ABI2: variants seen among roughly 807,000 people sequenced by gnomAD.
The protein encoded by ABI2 is abl interactor 2, also known as abelson interactor 2.
A neutral mutation model predicts 59.2 loss-of-function variants in ABI2; 25 were observed. The observed-to-expected ratio is 0.42, with a 90% confidence interval of 0.31 to 0.59. The LOEUF (loss-of-function observed/expected upper bound fraction) is 0.59. ABI2 is among the 20% of genes least tolerant of loss of function. The pLI is 0.14. For missense variants in ABI2, 545 were observed against 681.8 expected (o/e 0.80, Z 2.23); for synonymous variants, 213 against 235.5 (o/e 0.90, Z 0.87).
At chr2:203,338,959 TATA>T (rs2078038675) in intron 1 of ABI2, among the ~76,000 whole-genome samples, 1 of 9,652 alleles carries the variant, frequency 1.0e-4, no homozygotes, top group East Asian at 0.01. Flanking sequence ...TATATATATA[TATA>T]AATATATATA....
At chr2:203,387,714 G>A (rs1454836835) in intron 4 of ABI2, among the ~76,000 whole-genome samples, 4 of 152,166 alleles carry the variant, frequency 2.6e-5, no homozygotes, top group East Asian at 1.9e-4. Flanking sequence ...TTCCTAAACT[G>A]CTGTGTGTGC....
Position 203,391,029 on chromosome 2 carries a change from T to C in ABI2, c.481-17T>C. 2 of 1,609,108 alleles carry C rather than the reference T, an allele frequency of 1.2e-6. No homozygotes were observed. Among genetic ancestry groups the C allele is most frequent in the Non-Finnish European group, 1.7e-6 (2 of 1,176,138 alleles). On this transcript the variant is annotated splice_polypyrimidine_tract_variant and intron_variant, in intron 4 of 11. Coordinates refer to ENST00000261018, the MANE Select transcript of ABI2 (RefSeq NM_001375670.1). ...ATTTCACTGCATACAAGTTGAGTTT[T>C]CCTTAAAATTTTTTAGGTGAGTACC...
chr2:203,376,574 TCA>T (rs2153153396), intron 2 of ABI2, among the ~76,000 whole-genome samples: 1 of 152,320 alleles, frequency 6.6e-6, no homozygotes, highest in South Asian at 2.1e-4. Flanking sequence ...GGGAAACATT[TCA>T]CTTTCCTGAT....
At chr2:203,368,014 TA>T (rs934744491) in intron 2 of ABI2, among the ~76,000 whole-genome samples, 1 of 151,332 alleles carries the variant, frequency 6.6e-6, no homozygotes, top group Admixed American at 6.6e-5. Flanking sequence ...CAAAAAAAAA[TA>T]AAAAAAAGTA....
chr2:203,384,789 G>A (rs1299561568), intron 4 of ABI2, among the ~76,000 whole-genome samples: 1 of 150,660 alleles, frequency 6.6e-6, no homozygotes, highest in South Asian at 2.1e-4. Context: ...GACTTTTAAT[G>A]TATTATTTCA....
intron 1 of ABI2, among the ~76,000 whole-genome samples, chr2:203,350,891 T>TGTGTGTGC (rs1217974142): frequency 5.1e-4 from 63 of 124,194 alleles, no homozygotes; most frequent in African/African-American, 1.8e-3. Context: ...TGTGTGTGTG[T>TGTGTGTGC]GCGCGCGCGC....
intron 1 of ABI2, 98 bp downstream of exon 1, chr2:203,328,729 A>G (rs2152164097): frequency 1.5e-6 from 1 of 688,744 alleles, no homozygotes; most frequent in Non-Finnish European, 2.2e-6. Context: ...GACACGGCCC[A>G]GCGGAGCCCC....
intron 7 of ABI2, among the ~76,000 whole-genome samples, chr2:203,396,307 CTTAAT>C (rs922511055): frequency 2.0e-5 from 3 of 152,062 alleles, no homozygotes; most frequent in African/African-American, 7.2e-5. Context: ...ATGTTACATA[CTTAAT>C]TTACTTATAG....
chr2:203,351,533 T>TG, intron 1 of ABI2: 1 of 211,796 alleles, frequency 4.7e-6, no homozygotes, highest in African/African-American at 9.5e-5. Flanking sequence ...CAGTGTTTAG[T>TG]TTTTTTTTTT....
chr2:203,419,666 T>C (rs1223346754), intron 11 of ABI2, among the ~76,000 whole-genome samples: 1 of 151,694 alleles, frequency 6.6e-6, no homozygotes, highest in Non-Finnish European at 1.5e-5. Context: ...CGTGAGCCAC[T>C]GCGCCCAGCC....
chr2:203,431,760 A>G lies in ABI2; in HGVS notation c.*4408A>G, dbSNP rs554534523. The G allele has an allele frequency of 2.6e-5, 4 of 152,234 alleles. No homozygotes were observed. The highest frequency in any genetic ancestry group is 6.5e-5 in the Admixed American group (1 of 15,294). 9.4% of individuals were successfully genotyped at this position (152,234 alleles called of 1,614,324 possible). A position where few individuals can be genotyped will look rare whatever the true frequency, so the allele number is the denominator to read the frequency against. On this transcript the variant is annotated 3_prime_UTR_variant, in exon 12 of 12. Coordinates refer to ENST00000261018, the MANE Select transcript of ABI2 (RefSeq NM_001375670.1). ...GCTGTGTATAAATGATCCTTGCTGA[A>G]TATCTTAAGGTTTTTTGTAAGAAAA...
intron 1 of ABI2, among the ~76,000 whole-genome samples, chr2:203,360,064 A>G (rs2152892519): frequency 6.6e-6 from 1 of 151,678 alleles, no homozygotes; most frequent in Non-Finnish European, 1.5e-5. Flanking sequence ...GCATGCCTGT[A>G]GTCCCAGCTA....
chr2:203,350,485 G>T (rs1276173098), intron 1 of ABI2, among the ~76,000 whole-genome samples: 1 of 151,782 alleles, frequency 6.6e-6, no homozygotes, highest in Non-Finnish European at 1.5e-5. Context: ...TAGTAGCTAG[G>T]ACTAGAGGTA....
intron 1 of ABI2, among the ~76,000 whole-genome samples, chr2:203,360,596 A>C (rs560797735): frequency 9.2e-5 from 14 of 152,334 alleles, no homozygotes; most frequent in African/African-American, 2.9e-4. Flanking sequence ...GCAGTTTAGC[A>C]AAATGGAGAA....
At chr2:203,411,143 A>G in intron 9 of ABI2, 142 bp from the exon 10 acceptor site, 1 of 736,548 alleles carries the variant, frequency 1.4e-6, no homozygotes, top group East Asian at 2.8e-5. Context: ...TTGTCCCTCA[A>G]CAGGGGATCC....
chr2:203,375,980 A>T (rs61659268), intron 2 of ABI2: 2 of 1,174,878 alleles, frequency 1.7e-6, no homozygotes, highest in South Asian at 1.4e-5. Flanking sequence ...CAAGAATGCA[A>T]ATTATACCGT....
In ABI2 at chr2:203,431,514, A is replaced by C. The variant is rs1384739813; in HGVS notation, c.*4162A>C. ...TCCTAAAACTACACTCAGTATAAAC[A>C]CTTTCCCATAAGGTGTGTGCAGTAA... On this transcript the variant is annotated 3_prime_UTR_variant, in exon 12 of 12. Transcript: ENST00000261018. The C allele has an allele frequency of 2.0e-5, 3 of 152,550 alleles. No individual in the cohort carries two copies. The highest frequency in any genetic ancestry group is 7.2e-5 in the African/African-American group (3 of 41,436). The allele number at this position is 152,550 out of a possible 1,614,324, so 9.4% of individuals were successfully genotyped here.
At chr2:203,417,944 C>A (rs767981272) in intron 11 of ABI2, among the ~76,000 whole-genome samples, 1 of 151,688 alleles carries the variant, frequency 6.6e-6, no homozygotes, top group Admixed American at 6.6e-5. Flanking sequence ...ATGAGAGAGA[C>A]GTGGAATATA....
intron 10 of ABI2, among the ~76,000 whole-genome samples, chr2:203,414,133 A>C (rs1306105547): frequency 3.9e-5 from 5 of 128,396 alleles, no homozygotes; most frequent in Admixed American, 1.8e-4. Flanking sequence ...AGACAGTCTC[A>C]CTCTGTCACC....
Sources: allele counts gnomAD v4.1 joint callset (sites outside exome capture counted in the v4.1 genomes callset), GRCh38; gene constraint gnomAD v4.1.1; transcripts MANE v1.5; gene names NCBI Gene and HGNC (gene_info 2026-07-23, HGNC 2026-07-21).